PPP2R3C: variants seen among roughly 807,000 people sequenced by gnomAD.
The protein encoded by PPP2R3C is protein phosphatase 2 regulatory subunit B''gamma.
Under a neutral mutation model 63.7 loss-of-function variants are expected in PPP2R3C, and 47 were observed. The ratio of observed to expected loss-of-function variants is 0.74; its 90% CI spans 0.58 to 0.94. The LOEUF (loss-of-function observed/expected upper bound fraction) is 0.94, where lower values mean the gene tolerates loss of function less well. Among genes scored for constraint, PPP2R3C ranks in the 40% least tolerant of loss-of-function variants. PPP2R3C has a pLI of 0.00. For synonymous variants in PPP2R3C, 180 were observed against 177.4 expected (o/e 1.01, Z -0.12); for missense variants, 421 against 518.4 (o/e 0.81, Z 1.82).
intron 1 of PPP2R3C, among the ~76,000 whole-genome samples, chr14:35,118,541 C>G (rs2046770655): frequency 6.6e-6 from 1 of 151,850 alleles, no homozygotes; most frequent in South Asian, 2.1e-4. Context: ...CTATAAGCTA[C>G]AACGGTACTT....
At chr14:35,105,308 G>A (rs1369608568) in intron 6 of PPP2R3C, among the ~76,000 whole-genome samples, 2 of 151,416 alleles carry the variant, frequency 1.3e-5, no homozygotes, top group Non-Finnish European at 2.9e-5. Context: ...TCAGCCTCCT[G>A]AGTAGCTGGG....
At chr14:35,090,938 A>T in intron 11 of PPP2R3C, 132 bp downstream of exon 11, 1 of 729,958 alleles carries the variant, frequency 1.4e-6, no homozygotes, top group Non-Finnish European at 2.1e-6. Context: ...GATGGTCTCT[A>T]TCTCCTGACC....
intron 1 of PPP2R3C, among the ~76,000 whole-genome samples, chr14:35,119,997 G>A (rs868607412): frequency 6.6e-6 from 1 of 151,528 alleles, no homozygotes; most frequent in South Asian, 2.1e-4. Flanking sequence ...GACTACAGGC[G>A]CCCGCCACCG....
At chr14:35,110,281 C>A (rs931466807) in intron 3 of PPP2R3C, 4 of 460,934 alleles carry the variant, frequency 8.7e-6, no homozygotes, top group African/African-American at 2.0e-5. Context: ...AGCAGTGGTT[C>A]TCAACCTTGG....
intron 4 of PPP2R3C, among the ~76,000 whole-genome samples, chr14:35,109,548 A>C (rs1733963933): frequency 6.6e-6 from 1 of 152,012 alleles, no homozygotes; most frequent in African/African-American, 2.4e-5. Context: ...GCTTAATCAC[A>C]GCTCATCCTC....
At chr14:35,096,833 A>T (rs1004411522) in intron 7 of PPP2R3C, 69 bp from the exon 8 acceptor site, 50 of 1,390,012 alleles carry the variant, frequency 3.6e-5, no homozygotes, top group Non-Finnish European at 4.6e-5. Flanking sequence ...ATTAAAAAAA[A>T]ATTTTTTTAA....
intron 7 of PPP2R3C, chr14:35,098,613 T>G (rs1235709592): frequency 6.6e-6 from 1 of 151,702 alleles, no homozygotes. Context: ...CCCCCCAGAG[T>G]GCTGAGATTA....
At chr14:35,110,710 T>C in intron 2 of PPP2R3C, 81 bp from the exon 3 acceptor site, 1 of 862,312 alleles carries the variant, frequency 1.2e-6, no homozygotes, top group South Asian at 1.5e-5. Context: ...ATAAAATAAC[T>C]GTATGCCACC....
At chr14:35,107,981 C>A in intron 5 of PPP2R3C, 158 bp downstream of exon 5, 1 of 1,154,742 alleles carries the variant, frequency 8.7e-7, no homozygotes, top group South Asian at 2.3e-5. Flanking sequence ...TTTTTTTATG[C>A]TAACCCAAGT....
intron 2 of PPP2R3C, among the ~76,000 whole-genome samples, chr14:35,114,637 T>C (rs774418615): frequency 1.3e-5 from 2 of 152,126 alleles, no homozygotes; most frequent in Non-Finnish European, 2.9e-5. Context: ...AATAGCTTTT[T>C]ATTTTTATTT....
At chr14:35,086,361 C>G (rs1024514963) in intron 12 of PPP2R3C, 2 of 151,964 alleles carry the variant, frequency 1.3e-5, no homozygotes, top group African/African-American at 4.8e-5. Flanking sequence ...CCACACCCAG[C>G]TAATTTTTGT....
chr14:35,085,795 A>AATACAATG lies in PPP2R3C; in HGVS notation c.1174-25_1174-18dup, dbSNP rs770442825. 6.4e-7 allele frequency: 1 copy of AATACAATG among 1,569,002 alleles called. No homozygotes were observed. The highest frequency in any genetic ancestry group is 8.7e-7 in the Non-Finnish European group (1 of 1,152,078). ...GATTTCATCCTGCAAGAGAAAAAAA[A>AATACAATG]ATACAATGAAATTTGATCCACTTAA... On this transcript the variant is annotated splice_polypyrimidine_tract_variant and intron_variant, in intron 12 of 12. Coordinates refer to ENST00000261475, the MANE Select transcript of PPP2R3C (RefSeq NM_017917.4).
At chr14:35,117,432 T>C (rs1357008954) in intron 1 of PPP2R3C, among the ~76,000 whole-genome samples, 1 of 152,238 alleles carries the variant, frequency 6.6e-6, no homozygotes, top group African/African-American at 2.4e-5. Flanking sequence ...TAGTTCATTC[T>C]GCCATTTGGT....
intron 6 of PPP2R3C, 155 bp from the exon 7 acceptor site, chr14:35,099,539 G>T: frequency 1.1e-6 from 1 of 903,598 alleles, no homozygotes; most frequent in South Asian, 2.4e-5. Context: ...ATTAAATTTT[G>T]TTTCTAATTT....
intron 10 of PPP2R3C, 92 bp from the exon 11 acceptor site, chr14:35,091,299 AG>A (rs975504925): frequency 1.6e-6 from 2 of 1,249,396 alleles, no homozygotes; most frequent in African/African-American, 3.0e-5. Context: ...TTGCAATCAA[AG>A]GTGGCAAATT....
At chr14:35,090,938 A>G in intron 11 of PPP2R3C, 132 bp downstream of exon 11, 3 of 729,956 alleles carry the variant, frequency 4.1e-6, no homozygotes, top group Middle Eastern at 4.7e-4. Flanking sequence ...GATGGTCTCT[A>G]TCTCCTGACC....
At position 35,121,935 on chromosome 14, in the gene PPP2R3C, G is replaced by T; in HGVS notation, c.25C>A (p.Arg9=). The change falls in exon 1 of 13, where the codon CGG becomes AGG. Residue 9 remains arginine (R), a synonymous_variant. Coordinates refer to ENST00000261475, the MANE Select transcript of PPP2R3C (RefSeq NM_017917.4). MDWKEVLR[R]RLATPNTCPN... Reference sequence around the variant, plus strand: ...CAGGTGTTGGGCGTCGCTAGGCGCCGACGAAGAACTTCTTTCCAGTCCATG... The same window carrying T: ...CAGGTGTTGGGCGTCGCTAGGCGCCTACGAAGAACTTCTTTCCAGTCCATG... 1.9e-6 allele frequency: 3 copies of T among 1,614,154 alleles called. No homozygotes were observed. The highest frequency in any genetic ancestry group is 2.5e-6 in the Non-Finnish European group (3 of 1,180,024).
intron 1 of PPP2R3C, among the ~76,000 whole-genome samples, chr14:35,119,752 A>G (rs1229799515): frequency 4.0e-5 from 6 of 150,490 alleles, no homozygotes. Flanking sequence ...GTAGGAAAGA[A>G]AGGAGGAGGC....
chr14:35,087,502 C>T (rs940510145), intron 12 of PPP2R3C: 7 of 168,456 alleles, frequency 4.2e-5, no homozygotes, highest in South Asian at 1.5e-4. Flanking sequence ...TGGGCTCCAA[C>T]GATTCTCCTG....
Sources: allele counts gnomAD v4.1 joint callset (sites outside exome capture counted in the v4.1 genomes callset), GRCh38; gene constraint gnomAD v4.1.1; transcripts MANE v1.5; gene names NCBI Gene and HGNC (gene_info 2026-07-23, HGNC 2026-07-21).